Variants in HOPX observed in about 807,000 individuals in gnomAD.
The protein encoded by HOPX is homeodomain-only protein.
Under a neutral mutation model 11.8 loss-of-function variants are expected in HOPX, and 5 were observed. That is an observed-to-expected ratio of 0.43 (90% CI 0.22 to 0.89). The LOEUF is 0.89. Among genes scored for constraint, HOPX ranks in the 40% least tolerant of loss-of-function variants. The probability of loss-of-function intolerance (pLI) is 0.28; values close to 1 mark genes in which losing one functional copy is unlikely to be tolerated. For missense variants in HOPX, 119 were observed against 120.0 expected (o/e 0.99, Z 0.04); for synonymous variants, 49 against 49.7 (o/e 0.99, Z 0.06).
intron 1 of HOPX, chr4:56,680,999 G>T (rs1719295920): frequency 2.0e-6 from 2 of 984,790 alleles, no homozygotes; most frequent in Non-Finnish European, 2.4e-6. Flanking sequence ...CACCTGCTTG[G>T]CCAAAAGACC....
intron 1 of HOPX, among the ~76,000 whole-genome samples, chr4:56,670,783 G>A (rs550214956): frequency 3.2e-4 from 49 of 152,246 alleles, no homozygotes; most frequent in African/African-American, 1.0e-3. Flanking sequence ...GATTACTTGA[G>A]GTCAGGAGTT....
At position 56,648,745 on chromosome 4, in the gene HOPX, G is replaced by A; in HGVS notation, c.251C>T (p.Ser84Leu). ...TTAGTCTGTGACGGATCTGCACTCT[G>A]AGGGCAGGCCTTCTGAGCGCCGCCA... Reference protein sequence around the residue: ...AKWRRSEGLPSECRSVTD With the variant: ...AKWRRSEGLPLECRSVTD Residue 84 changes from serine (S) to leucine (L), a missense_variant, in exon 4 of 4, where the codon TCA (serine) becomes TTA (leucine). Ser to Leu is a moderately radical substitution (Grantham distance 145). Transcript: ENST00000420433. The A allele has an allele frequency of 6.2e-7, 1 of 1,610,744 alleles. No individual in the cohort carries two copies. Among genetic ancestry groups the A allele is most frequent in the South Asian group, 1.1e-5 (1 of 90,836 alleles).
chr4:56,649,019 T>G (rs1049371726), intron 3 of HOPX: 2 of 398,976 alleles, frequency 5.0e-6, no homozygotes, highest in Non-Finnish European at 9.1e-6. Flanking sequence ...CTTTATCTGA[T>G]GATCTCCCTG....
chr4:56,650,730 G>A (rs4371677), intron 3 of HOPX: 708,669 of 1,550,302 alleles, frequency 0.46, 164,805 homozygotes, highest in African/African-American at 0.64. Flanking sequence ...AGCCAAGCAC[G>A]GCAGACTATC....
rs1257500410 is a variant in HOPX, at chr4:56,676,808, G to A, written c.-84+4447C>T. Reference sequence around the variant, plus strand: ...CGACTGCCTGCAGACTGCCTCCCCAGAAGGGATGTTAATTACACACCCAGC... The same window carrying A: ...CGACTGCCTGCAGACTGCCTCCCCAAAAGGGATGTTAATTACACACCCAGC... On this transcript the variant is annotated intron_variant, in intron 1 of 3. Transcript: ENST00000420433. Among the ~76,000 whole-genome samples the A allele has an allele frequency of 4.0e-5, 6 of 151,674 alleles. No individual in the cohort carries two copies. The South Asian group carries it at 1.0e-3, about 26-fold the overall frequency.
intron 3 of HOPX, among the ~76,000 whole-genome samples, chr4:56,653,961 C>A (rs928802440): frequency 6.6e-6 from 1 of 152,112 alleles, no homozygotes; most frequent in African/African-American, 2.4e-5. Context: ...TTGAATATAG[C>A]CTGGGAGGAC....
At chr4:56,674,205 G>C (rs1253335313) in intron 1 of HOPX, among the ~76,000 whole-genome samples, 1 of 151,680 alleles carries the variant, frequency 6.6e-6, no homozygotes, top group African/African-American at 2.4e-5. Context: ...CCCAGGAAGA[G>C]GGTAAGGCAT....
At chr4:56,681,588 A>G (rs1369298510), upstream of HOPX, 8 of 1,000,006 alleles carry the variant, frequency 8.0e-6, no homozygotes, top group Non-Finnish European at 7.2e-6. Flanking sequence ...AGGATAAGAG[A>G]GATGTGGCTG....
At chr4:56,650,330 T>G in intron 3 of HOPX, 1 of 184,720 alleles carries the variant, frequency 5.4e-6, no homozygotes, top group Non-Finnish European at 1.1e-5. Context: ...AGATCTGGGA[T>G]GTGCTGATGG....
chr4:56,680,774 C>G (rs1719285183), intron 1 of HOPX: 1 of 152,458 alleles, frequency 6.6e-6, no homozygotes, highest in Non-Finnish European at 1.5e-5. Context: ...ACTGCAAATT[C>G]AAAATCAAGC....
intron 1 of HOPX, among the ~76,000 whole-genome samples, chr4:56,674,248 G>T (rs1294376699): frequency 6.6e-6 from 1 of 151,658 alleles, no homozygotes; most frequent in Non-Finnish European, 1.5e-5. Flanking sequence ...TCCAACATTA[G>T]TTATTAAATT....
At chr4:56,656,096 G>T in intron 2 of HOPX, 84 bp from the exon 3 acceptor site, 8 of 1,351,894 alleles carry the variant, frequency 5.9e-6, no homozygotes, top group Non-Finnish European at 6.6e-6. Flanking sequence ...CGGCGCCGCC[G>T]GGCAGCCCCA....
chr4:56,677,384 T>C lies in HOPX; in HGVS notation c.-84+3871A>G, dbSNP rs906454952. ...GGAGCACATATTTTGCATAAAACTT[T>C]GATTTGCCTGATTGCCCCACTTAAA... On this transcript the variant is annotated intron_variant, in intron 1 of 3. Transcript: ENST00000420433. 2.6e-5 allele frequency among the ~76,000 whole-genome samples: 4 copies of C among 151,732 alleles called. 1 individual carries two copies. Among genetic ancestry groups the C allele is most frequent in the African/African-American group, 9.8e-5 (4 of 40,994 alleles).
At chr4:56,667,705 C>T (rs961211365) in intron 1 of HOPX, among the ~76,000 whole-genome samples, 8 of 152,184 alleles carry the variant, frequency 5.3e-5, no homozygotes, top group African/African-American at 1.9e-4. Context: ...AAAACAGCCT[C>T]CTGTTCATCA....
At chr4:56,671,428 ATATT>A (rs1284065702) in intron 1 of HOPX, among the ~76,000 whole-genome samples, 1 of 152,078 alleles carries the variant, frequency 6.6e-6, no homozygotes, top group Non-Finnish European at 1.5e-5. Context: ...GCATAAATAT[ATATT>A]AATAGATTAT....
chr4:56,661,462 A>T (rs149823207), intron 1 of HOPX, among the ~76,000 whole-genome samples: 73 of 152,290 alleles, frequency 4.8e-4, no homozygotes, highest in African/African-American at 1.7e-3. Flanking sequence ...TCTCTAGGGT[A>T]TACAGTAGGG....
intron 3 of HOPX, chr4:56,649,041 T>G (rs1716910619): frequency 2.7e-6 from 1 of 365,910 alleles, no homozygotes; most frequent in African/African-American, 2.0e-5. Context: ...CATCCTCACA[T>G]CTCAGCTTAA....
intron 3 of HOPX, among the ~76,000 whole-genome samples, chr4:56,651,781 T>C (rs547122789): frequency 1.5e-4 from 23 of 151,484 alleles, no homozygotes; most frequent in Non-Finnish European, 3.1e-4. Flanking sequence ...CAAGAGGAGA[T>C]AAAAATACTT....
rs930949272 is a variant in HOPX, at chr4:56,681,182, G to A, written c.-84+73C>T. On this transcript the variant is annotated intron_variant, in intron 1 of 3. Transcript: ENST00000420433. The stretch of plus-strand genomic sequence containing the variant: ...CCAACAGATGAGCAAATACGGTAAC[G>A]ATAGCATTTTGGTCTAGTTCCTGCA... The A allele has an allele frequency of 2.5e-5, 24 of 966,914 alleles. No homozygotes were observed. In the South Asian group the frequency reaches 7.2e-4, roughly 29 times the overall value. 59.9% of individuals were successfully genotyped at this position (966,914 alleles called of 1,614,324 possible).
Sources: allele counts gnomAD v4.1 joint callset (sites outside exome capture counted in the v4.1 genomes callset), GRCh38; gene constraint gnomAD v4.1.1; transcripts MANE v1.5; gene names NCBI Gene and HGNC (gene_info 2026-07-23, HGNC 2026-07-21).